Variants in ABCA4 observed in about 807,000 individuals in gnomAD.
ABCA4 encodes the protein ATP binding cassette subfamily A member 4, also known as retinal-specific phospholipid-transporting ATPase ABCA4.
ABCA4 carries 196 observed loss-of-function variants against 263.7 expected under a neutral mutation model. The ratio of observed to expected loss-of-function variants is 0.74; its 90% CI spans 0.66 to 0.84. The LOEUF (loss-of-function observed/expected upper bound fraction) is 0.84. ABCA4 is among the 40% of genes least tolerant of loss of function. ABCA4 has a pLI of 0.00. For missense variants in ABCA4, 2,792 were observed against 2,855.1 expected, an observed-to-expected ratio of 0.98 and a Z score of 0.50; for synonymous variants, 1,133 against 1,094.2, an observed-to-expected ratio of 1.04 and a Z score of -0.70.
intron 2 of ABCA4, among the ~76,000 whole-genome samples, chr1:94,112,010 C>T (rs376908383): frequency 1.3e-5 from 2 of 152,124 alleles, no homozygotes; most frequent in Admixed American, 6.5e-5. Flanking sequence ...ATGGGCTCCT[C>T]GGGGAGAGGT....
intron 30 of ABCA4, among the ~76,000 whole-genome samples, chr1:94,026,699 C>A (rs1056035389): frequency 1.3e-5 from 2 of 152,232 alleles, no homozygotes; most frequent in African/African-American, 4.8e-5. Context: ...TCCACATATA[C>A]TAGAAGTCAG....
Position 94,044,698 on chromosome 1 carries a change from C to T in ABCA4, c.2965G>A (p.Val989Ile), listed in dbSNP as rs552307838. 53 of 1,614,196 alleles carry T rather than the reference C, an allele frequency of 3.3e-5. 1 individual carries two copies. The East Asian group carries it at 3.3e-4, about 10-fold the overall frequency. ...CTGGTTTCAATGTCCCTTCCCCCAACGAGCACAGTCCCAGAGGTTGGTGGC... is the reference window on the plus strand; with the variant it reads ...CTGGTTTCAATGTCCCTTCCCCCAATGAGCACAGTCCCAGAGGTTGGTGGC... Reference protein sequence around the residue: ...LLPPTSGTVLVGGRDIETSLD... With the variant: ...LLPPTSGTVLIGGRDIETSLD... The change falls in exon 20 of 50, where the codon GTT becomes ATT. Residue 989 changes from valine to isoleucine, a missense_variant. Val to Ile is a conservative substitution (Grantham distance 29). Transcript: ENST00000370225.
At chr1:94,059,713 G>C (rs1460691674) in intron 14 of ABCA4, 1 of 152,538 alleles carries the variant, frequency 6.6e-6, no homozygotes, top group Non-Finnish European at 1.5e-5. Context: ...TCAGGAGCCT[G>C]TAAAGCCTGA....
intron 5 of ABCA4, among the ~76,000 whole-genome samples, chr1:94,099,629 C>T (rs932276655): frequency 2.6e-5 from 4 of 152,184 alleles, no homozygotes; most frequent in Non-Finnish European, 1.5e-5. Context: ...AACAAATTTG[C>T]TCTTGGATTT....
intron 1 of ABCA4, among the ~76,000 whole-genome samples, chr1:94,118,086 G>A (rs1228199322): frequency 1.3e-5 from 2 of 152,092 alleles, no homozygotes; most frequent in Non-Finnish European, 2.9e-5. Flanking sequence ...CCTGGGTCAC[G>A]CAGCATGGGT....
rs368010652 is a variant in ABCA4, at chr1:94,083,444, G to A, written c.769-3C>T. 333 of 1,607,148 alleles carry A rather than the reference G, an allele frequency of 2.1e-4. 7 individuals carry two copies. The South Asian group carries it at 3.3e-3, about 16-fold the overall frequency. On this transcript the variant is annotated splice_polypyrimidine_tract_variant and splice_region_variant and intron_variant, in intron 6 of 49. Coordinates refer to ENST00000370225, the MANE Select transcript of ABCA4 (RefSeq NM_000350.3). ...CGGCTGTCTAGGAGTGTGGGAAGCT[G>A]TAATTGACAGTAAAACAATTTTTTA... is the stretch of plus-strand genomic sequence containing the variant.
chr1:94,032,054 A>C lies in ABCA4; in HGVS notation c.3863-11T>G. The C allele has an allele frequency of 6.2e-7, 1 of 1,606,914 alleles. No homozygotes were observed. Among genetic ancestry groups the C allele is most frequent in the Non-Finnish European group, 8.5e-7 (1 of 1,179,916 alleles). On this transcript the variant is annotated splice_polypyrimidine_tract_variant and intron_variant, in intron 26 of 49. Transcript: ENST00000370225. ...TCTGCTGAGCGCCACCTGTTTTGAG[A>C]GATTGAATTAATAATTTGGAAAATG...
rs779353744 is a variant in ABCA4, at chr1:94,001,074, GC to G, written c.6313del (p.Ala2105HisfsTer10). 6.2e-7 allele frequency: 1 copy of G among 1,614,102 alleles called. No individual in the cohort carries two copies. Among genetic ancestry groups the G allele is most frequent in the Non-Finnish European group, 8.5e-7 (1 of 1,180,022 alleles). On this transcript the variant is annotated frameshift_variant, in exon 46 of 50. Transcript: ENST00000370225. LOFTEE classifies it high-confidence loss of function. The stretch of plus-strand genomic sequence containing the variant: ...GATGACGTTCCACAGCATGCGGCGT[GC>G]CTGGGGGTCCATCCCTGTGGTGGGC... Reference protein sequence around the residue: ...DEPTTGMDPQARRMLWNVIVS... With the variant: ...DEPTTGMDPQXRRMLWNVIVS...
intron 6 of ABCA4, among the ~76,000 whole-genome samples, chr1:94,085,291 A>G (rs936320155): frequency 1.3e-5 from 2 of 152,250 alleles, no homozygotes; most frequent in African/African-American, 4.8e-5. Flanking sequence ...TATTGATAAT[A>G]GTTGAAGCTG....
intron 31 of ABCA4, 125 bp downstream of exon 31, chr1:94,024,829 G>A: frequency 2.5e-6 from 2 of 813,648 alleles, no homozygotes; most frequent in Non-Finnish European, 4.0e-6. Context: ...CCTCAAATCA[G>A]ATAAAAAAGA....
chr1:94,029,316 T>G, intron 30 of ABCA4, 129 bp downstream of exon 30: 2 of 925,266 alleles, frequency 2.2e-6, no homozygotes, highest in Non-Finnish European at 3.1e-6. Flanking sequence ...TGCAGGGAGT[T>G]TGGTTTAGTC....
At chr1:94,000,949 G>T in intron 46 of ABCA4, 21 bp from the exon 47 acceptor site, 2 of 1,614,168 alleles carry the variant, frequency 1.2e-6, no homozygotes, top group Non-Finnish European at 1.7e-6. Flanking sequence ...GGAGAGAGGA[G>T]GTGAGCAGGA....
chr1:94,098,187 G>T (rs1157438381), intron 6 of ABCA4, among the ~76,000 whole-genome samples: 1 of 152,180 alleles, frequency 6.6e-6, no homozygotes, highest in Non-Finnish European at 1.5e-5. Flanking sequence ...TGTCTGGGAT[G>T]CAGTTCTAGA....
chr1:94,042,840 C>T lies in ABCA4; in HGVS notation c.3249G>A (p.Val1083=). The T allele has an allele frequency of 6.2e-7, 1 of 1,614,196 alleles. No homozygotes were observed. The highest frequency in any genetic ancestry group is 8.5e-7 in the Non-Finnish European group (1 of 1,180,036). The part of the protein sequence containing the change: ...AIAFVGDAKV[V]ILDEPTSGVD... ...CCCCAGAGGTGGGTTCGTCCAGAAT[C>T]ACCACCTTGGCATCTCCCACAAAGG... The change falls in exon 22 of 50, where the codon GTG becomes GTA. Residue 1083 remains valine, a synonymous_variant. Coordinates refer to ENST00000370225, the MANE Select transcript of ABCA4 (RefSeq NM_000350.3).
At chr1:94,001,546 T>C (rs1469299134) in intron 45 of ABCA4, 2 of 581,310 alleles carry the variant, frequency 3.4e-6, no homozygotes, top group African/African-American at 1.8e-5. Context: ...TGCTCCTGTA[T>C]GGGGACCAGA....
intron 11 of ABCA4, among the ~76,000 whole-genome samples, chr1:94,075,537 A>C (rs921453938): frequency 6.6e-6 from 1 of 152,126 alleles, no homozygotes; most frequent in African/African-American, 2.4e-5. Flanking sequence ...CACTCTGGAA[A>C]ATTGTGGTGG....
Position 94,111,533 on chromosome 1 carries a change from C to T in ABCA4, c.207G>A (p.Trp69Ter). The T allele has an allele frequency of 6.2e-7, 1 of 1,614,200 alleles. No homozygotes were observed. Among genetic ancestry groups the T allele is most frequent in the Non-Finnish European group, 8.5e-7 (1 of 1,180,034 alleles). Reference sequence around the variant, plus strand: ...TCACATTGCAGAAGATCCCCTGGAGCCACGGCAGCATTCCTGCTGAGGGCA... The same window carrying T: ...TCACATTGCAGAAGATCCCCTGGAGTCACGGCAGCATTCCTGCTGAGGGCA... ...KAMPSAGMLP[W>*]LQGIFCNVNN... The change falls in exon 3 of 50, where the codon TGG (tryptophan) becomes TGA (stop). Residue 69 changes from tryptophan to a stop codon, truncating the protein, a stop_gained. Coordinates refer to ENST00000370225, the MANE Select transcript of ABCA4 (RefSeq NM_000350.3). LOFTEE classifies it high-confidence loss of function.
At chr1:94,027,614 TA>T (rs1660077604) in intron 30 of ABCA4, among the ~76,000 whole-genome samples, 1 of 152,174 alleles carries the variant, frequency 6.6e-6, no homozygotes, top group Admixed American at 6.5e-5. Flanking sequence ...CTTTAGAATA[TA>T]AAAAAGAGCA....
chr1:94,086,366 AT>A (rs1178715327), intron 6 of ABCA4, among the ~76,000 whole-genome samples: 2 of 152,206 alleles, frequency 1.3e-5, no homozygotes, highest in Non-Finnish European at 2.9e-5. Context: ...AAAAGGGTAA[AT>A]AAATTTGGTC....
Sources: allele counts gnomAD v4.1 joint callset (sites outside exome capture counted in the v4.1 genomes callset), GRCh38; gene constraint gnomAD v4.1.1; transcripts MANE v1.5; gene names NCBI Gene and HGNC (gene_info 2026-07-23, HGNC 2026-07-21).